Variants in CFAP70 observed in about 807,000 individuals in gnomAD.
CFAP70 encodes the protein cilia- and flagella-associated protein 70.
A neutral mutation model predicts 137.6 loss-of-function variants in CFAP70; 81 were observed. That is an observed-to-expected ratio of 0.59 (90% CI 0.49 to 0.71). The LOEUF (loss-of-function observed/expected upper bound fraction) is 0.71. Among genes scored for constraint, CFAP70 ranks in the 30% least tolerant of loss-of-function variants. The probability of loss-of-function intolerance (pLI) is 0.00; values close to 1 mark genes in which losing one functional copy is unlikely to be tolerated. For synonymous variants in CFAP70, 382 were observed against 423.6 expected (o/e 0.90, Z 1.20); for missense variants, 976 against 1,226.7 (o/e 0.80, Z 3.05).
At chr10:73,264,703 A>G (rs1433566660) in intron 25 of CFAP70, among the ~76,000 whole-genome samples, 1 of 152,234 alleles carries the variant, frequency 6.6e-6, no homozygotes, top group African/African-American at 2.4e-5. Context: ...TATAGTATGT[A>G]TTAGTCTACA....
chr10:73,272,823 T>C, intron 24 of CFAP70, 105 bp downstream of exon 25: 1 of 966,908 alleles, frequency 1.0e-6, no homozygotes, highest in Admixed American at 2.0e-5. Flanking sequence ...CAGACAGCCC[T>C]GATTGCTATT....
chr10:73,266,141 G>A (rs1419079245), intron 25 of CFAP70, among the ~76,000 whole-genome samples: 1 of 152,078 alleles, frequency 6.6e-6, no homozygotes, highest in Non-Finnish European at 1.5e-5. Context: ...CAAATTGATT[G>A]TTCCTGATTT....
At chr10:73,286,193 C>T (rs1011613001) in intron 19 of CFAP70, among the ~76,000 whole-genome samples, 3 of 152,096 alleles carry the variant, frequency 2.0e-5, no homozygotes, top group African/African-American at 7.2e-5. Flanking sequence ...GCCTGTAATC[C>T]CAGCACTTTG....
intron 19 of CFAP70, among the ~76,000 whole-genome samples, chr10:73,282,871 T>TG: frequency 6.7e-6 from 1 of 149,464 alleles, no homozygotes; most frequent in Non-Finnish European, 1.5e-5. Flanking sequence ...CTTGTTCTGT[T>TG]GCCCAGGCTG....
chr10:73,299,703 A>C (rs1478730835), intron 12 of CFAP70, 38 bp from the exon 14 acceptor site: 1 of 1,520,228 alleles, frequency 6.6e-7, no homozygotes, highest in Non-Finnish European at 9.0e-7. Context: ...AAACAAAAAA[A>C]AATTTATTAT....
Position 73,331,244 on chromosome 10 carries a change from C to T in CFAP70, c.710G>A (p.Trp237Ter). 6.2e-7 allele frequency: 1 copy of T among 1,613,476 alleles called. No homozygotes were observed. Among genetic ancestry groups the T allele is most frequent in the Non-Finnish European group, 8.5e-7 (1 of 1,179,782 alleles). Residue 237 changes from tryptophan to a stop codon, truncating the protein, a stop_gained, in exon 8 of 27, where the codon TGG becomes TAG. Coordinates refer to ENST00000310715, the Ensembl canonical transcript of CFAP70. LOFTEE classifies it high-confidence loss of function. ...AGGAACTCTTGTGATCTCTACAGGC[C>T]AAAGCCGGCAATCGGCAATTCGCTT... is the stretch of plus-strand genomic sequence containing the variant.
intron 26 of CFAP70, among the ~76,000 whole-genome samples, chr10:73,255,831 C>T (rs2133486790): frequency 6.6e-6 from 1 of 152,224 alleles, no homozygotes; most frequent in Non-Finnish European, 1.5e-5. Context: ...AGGCGTGAGC[C>T]ACCATGCCTG....
intron 5 of CFAP70, among the ~76,000 whole-genome samples, chr10:73,343,604 G>A (rs1414379382): frequency 1.3e-5 from 2 of 152,116 alleles, no homozygotes; most frequent in Non-Finnish European, 2.9e-5. Flanking sequence ...AGCTACTCAG[G>A]AGGCTGAGTC....
intron 26 of CFAP70, 56 bp downstream of exon 27, chr10:73,256,313 C>T: frequency 6.3e-7 from 1 of 1,598,510 alleles, no homozygotes; most frequent in Non-Finnish European, 8.6e-7. Flanking sequence ...TACCTCCCTC[C>T]TAATTTCCCA....
At chr10:73,354,747 T>A in exon 2 of CFAP70, 1 of 1,614,036 alleles carries the variant, frequency 6.2e-7, no homozygotes, top group East Asian at 2.2e-5. Flanking sequence ...ATCATATCCC[T>A]CTGTCACGGT....
intron 25 of CFAP70, among the ~76,000 whole-genome samples, chr10:73,265,849 T>C (rs1349640978): frequency 6.6e-6 from 1 of 151,730 alleles, no homozygotes; most frequent in African/African-American, 2.4e-5. Context: ...CCACTCTTAC[T>C]CTTTCTTTCA....
chr10:73,262,418 C>T (rs2045345687), intron 25 of CFAP70, among the ~76,000 whole-genome samples: 2 of 152,004 alleles, frequency 1.3e-5, no homozygotes, highest in Admixed American at 6.6e-5. Context: ...CCTTATTTTA[C>T]TTAATAATGG....
At chr10:73,324,628 G>A (rs1475641304) in intron 8 of CFAP70, among the ~76,000 whole-genome samples, 5 of 152,194 alleles carry the variant, frequency 3.3e-5, no homozygotes, top group African/African-American at 4.8e-5. Flanking sequence ...AACCAATACA[G>A]AGAAGTGCTT....
At chr10:73,341,719 G>A (rs777307394) in intron 5 of CFAP70, 138 bp from the exon 7 acceptor site, 1 of 720,408 alleles carries the variant, frequency 1.4e-6, no homozygotes, top group Non-Finnish European at 2.3e-6. Flanking sequence ...ATTCTAGAGA[G>A]GGGCCTGTGC....
At chr10:73,359,904 AC>A (rs2054940883), upstream of CFAP70, among the ~76,000 whole-genome samples, 1 of 151,126 alleles carries the variant, frequency 6.6e-6, no homozygotes, top group African/African-American at 2.4e-5. Flanking sequence ...CTAAAAAAAA[AC>A]ACACACACAC....
intron 25 of CFAP70, among the ~76,000 whole-genome samples, chr10:73,259,380 T>G (rs1455135920): frequency 6.6e-6 from 1 of 152,192 alleles, no homozygotes; most frequent in African/African-American, 2.4e-5. Flanking sequence ...ACACAGAGCT[T>G]CTTCTCATAC....
chr10:73,306,024 T>A (rs75922772), intron 12 of CFAP70, among the ~76,000 whole-genome samples: 6,834 of 151,964 alleles, frequency 0.045, 466 homozygotes, highest in African/African-American at 0.15. Context: ...AGTCTGGAGC[T>A]TAAAAGTACA....
chr10:73,335,284 T>G (rs1274366224), intron 7 of CFAP70, 146 bp downstream of exon 8: 1 of 488,058 alleles, frequency 2.0e-6, no homozygotes, highest in African/African-American at 2.0e-5. Context: ...GAACACAACA[T>G]CACTCTAATA....
rs78334417 is a variant in CFAP70 at position 73,311,860 on chromosome 10, G to A, written c.1138C>T (p.Pro380Ser). 18,214 of 1,613,692 alleles carry A rather than the reference G, an allele frequency of 0.011. 939 individuals are homozygous for A. In the African/African-American group the frequency reaches 0.15, roughly 13 times the overall value. The change falls in exon 11 of 27, where the codon CCT (proline) becomes TCT (serine). Residue 380 changes from proline (P) to serine (S), a missense_variant. Physicochemically the swap from Pro to Ser is moderately conservative, Grantham distance 74 (BLOSUM62 -1). Transcript: ENST00000310715. ...TGTCCTTCAGGATTGTGACTTAGAG[G>A]GGGTTCACCTTCCAAAGGAGTATCT...
Sources: gnomAD v4.1 joint callset for allele counts (sites outside exome capture counted in the v4.1 genomes callset) on GRCh38, gnomAD v4.1.1 for gene constraint, MANE v1.5 for transcripts, NCBI Gene and HGNC (gene_info 2026-07-23, HGNC 2026-07-21) for gene names.